The following TAF1B variants were observed in gnomAD, a reference collection of about 807,000 sequenced individuals.
The protein encoded by TAF1B is TATA box-binding protein-associated factor RNA polymerase I subunit B.
TAF1B carries 61 observed loss-of-function variants against 83.9 expected under a neutral mutation model. That is an observed-to-expected ratio of 0.73 (90% CI 0.59 to 0.90). TAF1B has a LOEUF of 0.90. Among genes scored for constraint, TAF1B ranks in the 40% least tolerant of loss-of-function variants. The pLI is 0.00. For synonymous variants in TAF1B, 221 were observed against 224.6 expected (o/e 0.98, Z 0.14); for missense variants, 625 against 677.0 (o/e 0.92, Z 0.85).
intron 8 of TAF1B, among the ~76,000 whole-genome samples, chr2:9,904,629 A>G (rs1224211750): frequency 6.6e-6 from 1 of 152,210 alleles, no homozygotes; most frequent in Non-Finnish European, 1.5e-5. Flanking sequence ...GCTGGCTTGA[A>G]TGGCAGCTCT....
intron 10 of TAF1B, 53 bp downstream of exon 10, chr2:9,910,966 T>G: frequency 6.7e-7 from 1 of 1,501,100 alleles, no homozygotes; most frequent in South Asian, 1.3e-5. Flanking sequence ...CTGATCTTAG[T>G]TTTTTAAGAA....
At chr2:9,903,333 G>C (rs1436310799) in intron 8 of TAF1B, among the ~76,000 whole-genome samples, 2 of 152,068 alleles carry the variant, frequency 1.3e-5, no homozygotes, top group Middle Eastern at 3.4e-3. Flanking sequence ...GATCCGCCCG[G>C]CTCGGCCTCC....
chr2:9,903,230 C>T (rs931515898), intron 8 of TAF1B, among the ~76,000 whole-genome samples: 4 of 152,030 alleles, frequency 2.6e-5, no homozygotes, highest in East Asian at 1.9e-4. Context: ...GGACTACAGG[C>T]GCCCGCCACC....
chr2:9,910,937 CAAGT>C (rs762934992), intron 10 of TAF1B, 24 bp downstream of exon 10: 4 of 1,581,108 alleles, frequency 2.5e-6, no homozygotes, highest in Middle Eastern at 2.0e-4. Context: ...AATTTTATGA[CAAGT>C]AACATTTTAT....
At chr2:9,887,165 A>G (rs961390016) in intron 8 of TAF1B, among the ~76,000 whole-genome samples, 1 of 152,142 alleles carries the variant, frequency 6.6e-6, no homozygotes, top group Non-Finnish European at 1.5e-5. Flanking sequence ...CACAGTTTCA[A>G]CCTGAAATAT....
intron 3 of TAF1B, among the ~76,000 whole-genome samples, chr2:9,851,238 C>T (rs1195423633): frequency 2.0e-5 from 3 of 151,880 alleles, no homozygotes; most frequent in Admixed American, 6.6e-5. Context: ...ATTTTTCTGC[C>T]TCTTAGGTTA....
chr2:9,848,044 T>C (rs1663264411), intron 2 of TAF1B, among the ~76,000 whole-genome samples: 1 of 152,270 alleles, frequency 6.6e-6, no homozygotes, highest in African/African-American at 2.4e-5. Context: ...TTTCAGGTTT[T>C]TTGCTCTTTC....
intron 9 of TAF1B, among the ~76,000 whole-genome samples, chr2:9,908,025 A>ATTT (rs1665400435): frequency 9.9e-6 from 1 of 100,932 alleles, no homozygotes; most frequent in East Asian, 2.8e-4. Context: ...CAAGATCTTA[A>ATTT]TTCTTTTTTT....
chr2:9,924,596 T>C (rs1665980267), intron 14 of TAF1B, among the ~76,000 whole-genome samples: 1 of 152,222 alleles, frequency 6.6e-6, no homozygotes, highest in Non-Finnish European at 1.5e-5. Flanking sequence ...ATTAGCATGT[T>C]TTCTAATGTT....
chr2:9,928,706 T>G (rs1666120580), intron 14 of TAF1B, among the ~76,000 whole-genome samples: 1 of 152,256 alleles, frequency 6.6e-6, no homozygotes, highest in South Asian at 2.1e-4. Context: ...TGCACATTGA[T>G]TTTGTATCCT....
intron 7 of TAF1B, among the ~76,000 whole-genome samples, chr2:9,879,823 A>G (rs928099792): frequency 4.6e-5 from 7 of 152,212 alleles, no homozygotes; most frequent in African/African-American, 1.4e-4. Flanking sequence ...TATACAATTC[A>G]GTGGTTTTCA....
intron 6 of TAF1B, among the ~76,000 whole-genome samples, chr2:9,869,822 A>T (rs760044277): frequency 7.9e-5 from 12 of 152,028 alleles, no homozygotes; most frequent in Non-Finnish European, 1.3e-4. Flanking sequence ...CAGTGAGCCA[A>T]GATCACACCA....
chr2:9,857,138 G>A (rs1355946684), intron 5 of TAF1B, among the ~76,000 whole-genome samples: 2 of 152,190 alleles, frequency 1.3e-5, no homozygotes, highest in Non-Finnish European at 2.9e-5. Context: ...GAGCTGAAGT[G>A]ATGAAGAAAG....
At chr2:9,894,042 T>C (rs1342034511) in intron 8 of TAF1B, among the ~76,000 whole-genome samples, 1 of 152,122 alleles carries the variant, frequency 6.6e-6, no homozygotes, top group Non-Finnish European at 1.5e-5. Context: ...AGACAGTATG[T>C]CATGCATGAT....
chr2:9,859,355 C>G (rs1663673813), intron 5 of TAF1B, among the ~76,000 whole-genome samples: 1 of 151,540 alleles, frequency 6.6e-6, no homozygotes, highest in Admixed American at 6.6e-5. Context: ...ACCACTTCAG[C>G]CTGGACTTCA....
At chr2:9,885,739 C>T (rs1664654520) in intron 8 of TAF1B, among the ~76,000 whole-genome samples, 1 of 149,800 alleles carries the variant, frequency 6.7e-6, no homozygotes, top group African/African-American at 2.5e-5. Context: ...TTCTTTCTCC[C>T]CACGCCCCCC....
chr2:9,893,039 T>G (rs893865957), intron 8 of TAF1B, among the ~76,000 whole-genome samples: 9 of 152,226 alleles, frequency 5.9e-5, no homozygotes, highest in African/African-American at 2.2e-4. Context: ...AATTACATCT[T>G]GGTAGCAACC....
intron 8 of TAF1B, among the ~76,000 whole-genome samples, chr2:9,900,076 A>G (rs1176157548): frequency 6.6e-6 from 1 of 152,250 alleles, no homozygotes; most frequent in Non-Finnish European, 1.5e-5. Flanking sequence ...GGCATTAGAA[A>G]ATTCTCACAA....
intron 7 of TAF1B, among the ~76,000 whole-genome samples, chr2:9,880,516 A>G (rs1292436212): frequency 7.2e-5 from 10 of 138,396 alleles, no homozygotes; most frequent in African/African-American, 2.7e-4. Flanking sequence ...AAAAACTGTT[A>G]GAACTCCAGA....
Sources: allele counts gnomAD v4.1 joint callset (sites outside exome capture counted in the v4.1 genomes callset), GRCh38; gene constraint gnomAD v4.1.1; transcripts MANE v1.5; gene names NCBI Gene and HGNC (gene_info 2026-07-23, HGNC 2026-07-21).